Variants in FBXO11 observed in about 807,000 individuals in gnomAD.
FBXO11 encodes F-box protein 11.
FBXO11 carries 13 observed loss-of-function variants against 117.0 expected under a neutral mutation model. That is an observed-to-expected ratio of 0.11 (90% confidence interval 0.07 to 0.18). The LOEUF is 0.18. FBXO11 is among the 10% of genes least tolerant of loss of function. The pLI, the probability that FBXO11 is intolerant of heterozygous loss-of-function variation, is 1.00. For synonymous variants in FBXO11, 490 were observed against 380.5 expected (o/e 1.29, Z -3.35); for missense variants, 767 against 1,164.4 (o/e 0.66, Z 4.97).
At chr2:47,816,764 T>A (rs1671034120) in intron 16 of FBXO11, among the ~76,000 whole-genome samples, 1 of 152,170 alleles carries the variant, frequency 6.6e-6, no homozygotes, top group Non-Finnish European at 1.5e-5. Flanking sequence ...TATTTTGAAA[T>A]ATTTTTTCTG....
At chr2:47,854,831 A>G (rs1376392617) in intron 1 of FBXO11, among the ~76,000 whole-genome samples, 1 of 150,326 alleles carries the variant, frequency 6.7e-6, no homozygotes, top group Non-Finnish European at 1.5e-5. Flanking sequence ...TGCCAAGGTA[A>G]AACAACTGAT....
In FBXO11 at chr2:47,827,273, G is replaced by A. The variant is rs534337909; in HGVS notation, c.1399-3913C>T. Among the ~76,000 whole-genome samples, 129 of 152,200 alleles carry A rather than the reference G, an allele frequency of 8.5e-4. 1 individual carries two copies. Among genetic ancestry groups the A allele is most frequent in the African/African-American group, 2.9e-3 (122 of 41,554 alleles). On this transcript the variant is annotated intron_variant, in intron 11 of 22. Transcript: ENST00000403359. ...TGCAAGAAAACTTATTTTTATTATG[G>A]ATTCAGTTAATGTAATTTTGCTTCA...
At chr2:47,819,435 T>G (rs780913466) in intron 14 of FBXO11, among the ~76,000 whole-genome samples, 7 of 152,148 alleles carry the variant, frequency 4.6e-5, no homozygotes, top group Non-Finnish European at 8.8e-5. Context: ...AGGGTGGTCT[T>G]GAACTCCTGA....
In FBXO11 at chr2:47,810,105, A is replaced by T. The variant is rs1369888650; in HGVS notation, c.2338+211T>A. The T allele has an allele frequency of 5.8e-6, 3 of 517,836 alleles. No individual in the cohort carries two copies. The East Asian group carries it at 9.4e-5, about 16-fold the overall frequency. The allele number at this position is 517,836 out of a possible 1,614,324, so 32.1% of individuals were successfully genotyped here. A position where few individuals can be genotyped will look rare whatever the true frequency, so the allele number is the denominator to read the frequency against. On this transcript the variant is annotated intron_variant, in intron 19 of 22. Transcript: ENST00000403359. Reference sequence around the variant, plus strand: ...AATAAATGTTTCATAATCACGACTAAGCAATAAGAGCAATATTTCTTAGGA... The same window carrying T: ...AATAAATGTTTCATAATCACGACTATGCAATAAGAGCAATATTTCTTAGGA...
chr2:47,902,386 A>G (rs908885761), intron 1 of FBXO11, among the ~76,000 whole-genome samples: 14 of 152,214 alleles, frequency 9.2e-5, no homozygotes, highest in Non-Finnish European at 1.2e-4. Context: ...CCAGACCAAT[A>G]TTTCCTTACG....
chr2:47,833,460 CCAGA>C (rs1672329312), intron 7 of FBXO11, among the ~76,000 whole-genome samples: 2 of 152,126 alleles, frequency 1.3e-5, no homozygotes, highest in South Asian at 2.1e-4. Flanking sequence ...AATAAAATCA[CCAGA>C]CAAACATTTG....
At chr2:47,851,449 G>A (rs1245012337) in intron 1 of FBXO11, among the ~76,000 whole-genome samples, 2 of 152,062 alleles carry the variant, frequency 1.3e-5, no homozygotes, top group East Asian at 3.9e-4. Flanking sequence ...GGCTGGTCTC[G>A]AATTCCTGAC....
intron 1 of FBXO11, chr2:47,865,646 A>G (rs536490272): frequency 2.0e-5 from 3 of 152,206 alleles, no homozygotes; most frequent in African/African-American, 4.8e-5. Flanking sequence ...ACTCTGGCAG[A>G]TCTAATTTTA....
intron 19 of FBXO11, 183 bp from the exon 20 acceptor site, chr2:47,809,890 T>C (rs571230092): frequency 1.3e-4 from 70 of 541,652 alleles, no homozygotes; most frequent in African/African-American, 8.9e-4. Flanking sequence ...TCAATGACTA[T>C]GGTCAAAACT....
At chr2:47,816,863 G>A (rs1671039230) in intron 16 of FBXO11, among the ~76,000 whole-genome samples, 2 of 152,092 alleles carry the variant, frequency 1.3e-5, no homozygotes, top group African/African-American at 4.8e-5. Flanking sequence ...TCCCTTTATA[G>A]CGCACAGGCA....
At chr2:47,874,146 G>A (rs1041343401) in intron 1 of FBXO11, among the ~76,000 whole-genome samples, 3 of 152,070 alleles carry the variant, frequency 2.0e-5, no homozygotes, top group Admixed American at 6.5e-5. Context: ...CCTGGGAGGC[G>A]GAGCTTGCTG....
chr2:47,880,772 A>G (rs910845949), intron 1 of FBXO11, among the ~76,000 whole-genome samples: 7 of 151,902 alleles, frequency 4.6e-5, no homozygotes, highest in Non-Finnish European at 1.0e-4. Context: ...AAATCATGAC[A>G]CTCCTAAATT....
intron 1 of FBXO11, among the ~76,000 whole-genome samples, chr2:47,897,858 C>A (rs2104028397): frequency 6.6e-6 from 1 of 152,002 alleles, no homozygotes; most frequent in South Asian, 2.1e-4. Context: ...ACTAAAAGTA[C>A]ATATTCTTAC....
chr2:47,814,194 C>G (rs1192256533), intron 16 of FBXO11: 3 of 234,450 alleles, frequency 1.3e-5, no homozygotes, highest in Non-Finnish European at 2.5e-5. Context: ...AGGTTCCGTT[C>G]CAGACCACCA....
chr2:47,813,492 C>T lies in FBXO11; in HGVS notation c.2084-115G>A, dbSNP rs1475719174. ...GTTGCCAGGCTGGAGTGTGCAGTGG[C>T]GCGATCTTGGCTCACTGCAACCTCC... On this transcript the variant is annotated intron_variant, in intron 17 of 22. Coordinates refer to ENST00000403359, the MANE Select transcript of FBXO11 (RefSeq NM_001190274.2). 12 of 700,128 alleles carry T rather than the reference C, an allele frequency of 1.7e-5. No individual in the cohort carries two copies. In the East Asian group the frequency reaches 2.8e-4, roughly 17 times the overall value. The allele number at this position is 700,128 out of a possible 1,614,324, so 43.4% of individuals were successfully genotyped here. A position where few individuals can be genotyped will look rare whatever the true frequency, so the allele number is the denominator to read the frequency against.
chr2:47,899,599 A>C (rs540880901), intron 1 of FBXO11, among the ~76,000 whole-genome samples: 1 of 152,200 alleles, frequency 6.6e-6, no homozygotes, highest in African/African-American at 2.4e-5. Context: ...ATTAGAACCC[A>C]TATCTAGCTA....
At chr2:47,829,110 G>C (rs146945445) in intron 11 of FBXO11, among the ~76,000 whole-genome samples, 2 of 151,610 alleles carry the variant, frequency 1.3e-5, no homozygotes, top group Non-Finnish European at 2.9e-5. Flanking sequence ...GGCCAGGCTG[G>C]TCTTGAACTC....
Position 47,808,280 on chromosome 2 carries a change from G to C in FBXO11, c.2655-33C>G, listed in dbSNP as rs754185482. 8 of 1,612,706 alleles carry C rather than the reference G, an allele frequency of 5.0e-6. No homozygotes were observed. The South Asian group carries it at 7.7e-5, about 16-fold the overall frequency. ...AAAATGAAACCCAAATATTAGAAAA[G>C]TGAGGGGGAAAGTAATTGGGTAATA... On this transcript the variant is annotated intron_variant, in intron 22 of 22. Coordinates refer to ENST00000403359, the MANE Select transcript of FBXO11 (RefSeq NM_001190274.2).
intron 16 of FBXO11, among the ~76,000 whole-genome samples, chr2:47,815,296 C>G (rs1245737137): frequency 6.6e-6 from 1 of 152,218 alleles, no homozygotes; most frequent in Non-Finnish European, 1.5e-5. Context: ...CTGTACAATT[C>G]CCCTTCCCCT....
Sources: allele counts gnomAD v4.1 joint callset (sites outside exome capture counted in the v4.1 genomes callset), GRCh38; gene constraint gnomAD v4.1.1; transcripts MANE v1.5; gene names NCBI Gene and HGNC (gene_info 2026-07-23, HGNC 2026-07-21).